Variants in ERV3-1 observed in about 807,000 individuals in gnomAD.
ERV3-1 encodes the protein endogenous retrovirus group 3 member 1, envelope.
A neutral mutation model predicts 24.6 loss-of-function variants in ERV3-1; 36 were observed. The ratio of observed to expected loss-of-function variants is 1.47; its 90% CI spans 1.12 to 1.94. The LOEUF (loss-of-function observed/expected upper bound fraction) is 1.94, where lower values mean the gene tolerates loss of function less well. Among genes scored for constraint, ERV3-1 ranks in the 30% most tolerant of loss-of-function variants. The pLI is 0.00. For missense variants in ERV3-1, 578 were observed against 330.9 expected (o/e 1.75, Z -5.79); for synonymous variants, 211 against 122.6 (o/e 1.72, Z -4.76).
At chr7:64,998,868 C>T (rs973780117) in intron 1 of ERV3-1, among the ~76,000 whole-genome samples, 2 of 152,190 alleles carry the variant, frequency 1.3e-5, no homozygotes, top group African/African-American at 2.4e-5. Context: ...GCTCCACACA[C>T]GTCACTCAGC....
At chr7:65,005,751 G>T (rs966844546) in intron 1 of ERV3-1, among the ~76,000 whole-genome samples, 5 of 152,186 alleles carry the variant, frequency 3.3e-5, no homozygotes, top group East Asian at 3.9e-4. Flanking sequence ...GTGCCCTGTG[G>T]AGTGTGAAAA....
chr7:64,998,393 G>C (rs939684319), intron 1 of ERV3-1, among the ~76,000 whole-genome samples: 95 of 152,240 alleles, frequency 6.2e-4, no homozygotes, highest in African/African-American at 2.1e-3. Flanking sequence ...TCCGACCCCA[G>C]TCACCACCTT....
chr7:64,998,705 G>T (rs985778683), intron 1 of ERV3-1, among the ~76,000 whole-genome samples: 1 of 151,994 alleles, frequency 6.6e-6, no homozygotes, highest in Non-Finnish European at 1.5e-5. Context: ...TTAATGGAGG[G>T]TTCATATGAG....
intron 1 of ERV3-1, among the ~76,000 whole-genome samples, chr7:64,999,473 C>T (rs1049065503): frequency 6.6e-6 from 1 of 152,234 alleles, no homozygotes; most frequent in African/African-American, 2.4e-5. Context: ...GACTTTTATA[C>T]ATGCAACCAA....
chr7:64,994,766 G>C (rs1473300539), intron 1 of ERV3-1, among the ~76,000 whole-genome samples: 1 of 152,206 alleles, frequency 6.6e-6, no homozygotes, highest in Admixed American at 6.5e-5. Flanking sequence ...TGTAAACACT[G>C]ATCTTTTTGT....
chr7:65,003,044 T>C (rs1302655831), intron 1 of ERV3-1, among the ~76,000 whole-genome samples: 1 of 152,194 alleles, frequency 6.6e-6, no homozygotes, highest in East Asian at 1.9e-4. Flanking sequence ...TCCCATTCCA[T>C]CTTAATGTTA....
In ERV3-1 at chr7:64,991,566, T is replaced by A; in HGVS notation, c.1461A>T (p.Arg487Ser). The change falls in exon 2 of 2, where the codon AGA becomes AGT. Residue 487 changes from arginine (R) to serine (S), a missense_variant. Coordinates refer to ENST00000394323, the MANE Select transcript of ERV3-1 (RefSeq NM_001007253.4). ...TGGCTGGGCCATAATATTGAATTATTCTTTCAGGAGGCCATTCATTGTCCT... is the reference window on the plus strand; with the variant it reads ...TGGCTGGGCCATAATATTGAATTATACTTTCAGGAGGCCATTCATTGTCCT... ...DWKDNEWPPE[R>S]IIQYYGPATW... 1.4e-6 allele frequency: 1 copy of A among 704,132 alleles called. No homozygotes were observed. The highest frequency in any genetic ancestry group is 1.5e-5 in the South Asian group (1 of 67,600). The allele number at this position is 704,132 out of a possible 1,614,324, so 43.6% of individuals were successfully genotyped here. A position where few individuals can be genotyped will look rare whatever the true frequency, so the allele number is the denominator to read the frequency against.
At chr7:64,994,171 A>G (rs1786350142) in intron 1 of ERV3-1, among the ~76,000 whole-genome samples, 1 of 152,130 alleles carries the variant, frequency 6.6e-6, no homozygotes, top group Non-Finnish European at 1.5e-5. Flanking sequence ...CTGGGGGCCG[A>G]GTGGGCCATT....
At chr7:65,002,941 A>AT (rs1324535270) in intron 1 of ERV3-1, among the ~76,000 whole-genome samples, 1 of 152,100 alleles carries the variant, frequency 6.6e-6, no homozygotes, top group East Asian at 1.9e-4. Context: ...TTAGAATTCA[A>AT]TTTTTTTACA....
Position 64,991,041 on chromosome 7 carries a change from G to T in ERV3-1, c.*171C>A, listed in dbSNP as rs1260911254. On this transcript the variant is annotated 3_prime_UTR_variant, in exon 2 of 2. Transcript: ENST00000394323. The stretch of plus-strand genomic sequence containing the variant: ...ACTTAGTTAGGGCCATTAGTCGTGT[G>T]GTAGTCCGTCTGTCCACAAGAGCCT... 7 of 537,370 alleles carry T rather than the reference G, an allele frequency of 1.3e-5. No individual in the cohort carries two copies. The highest frequency in any genetic ancestry group is 1.1e-4 in the African/African-American group (6 of 52,936). The allele number at this position is 537,370 out of a possible 1,614,324, so 33.3% of individuals were successfully genotyped here. A position where few individuals can be genotyped will look rare whatever the true frequency, so the allele number is the denominator to read the frequency against.
At chr7:64,999,137 G>A (rs988706451) in intron 1 of ERV3-1, among the ~76,000 whole-genome samples, 2 of 152,156 alleles carry the variant, frequency 1.3e-5, no homozygotes, top group Admixed American at 1.3e-4. Context: ...CCTGTAGCGT[G>A]AAGTCCTGGA....
At chr7:65,000,221 TTTC>T in intron 1 of ERV3-1, among the ~76,000 whole-genome samples, 1 of 151,928 alleles carries the variant, frequency 6.6e-6, no homozygotes, top group African/African-American at 2.4e-5. Flanking sequence ...ATCAAAGCAC[TTTC>T]TTTTTTGTTT....
chr7:64,997,463 T>C (rs1370800406), intron 1 of ERV3-1, among the ~76,000 whole-genome samples: 1 of 152,188 alleles, frequency 6.6e-6, no homozygotes, highest in East Asian at 1.9e-4. Context: ...TGACCAGGAC[T>C]TTAATTAGTC....
rs558649813 is a variant in ERV3-1 at position 64,991,055 on chromosome 7, C to T, written c.*157G>A. 1.1e-5 allele frequency: 6 copies of T among 568,824 alleles called. No homozygotes were observed. The East Asian group carries it at 1.1e-4, about 11-fold the overall frequency. The allele number at this position is 568,824 out of a possible 1,614,324, so 35.2% of individuals were successfully genotyped here. ...ATTAGTCGTGTGGTAGTCCGTCTGT[C>T]CACAAGAGCCTCTATGGCTGTTTGG... On this transcript the variant is annotated 3_prime_UTR_variant, in exon 2 of 2. Coordinates refer to ENST00000394323, the MANE Select transcript of ERV3-1 (RefSeq NM_001007253.4).
In ERV3-1 at chr7:64,991,048, C is replaced by T. The variant is rs3088174; in HGVS notation, c.*164G>A. 287,553 of 536,454 alleles carry T rather than the reference C, an allele frequency of 0.54. 79,828 individuals are homozygous for T. Among genetic ancestry groups the T allele is most frequent in the Admixed American group, 0.64 (19,086 of 29,812 alleles). The allele number at this position is 536,454 out of a possible 1,614,324, so 33.2% of individuals were successfully genotyped here. A position where few individuals can be genotyped will look rare whatever the true frequency, so the allele number is the denominator to read the frequency against. On this transcript the variant is annotated 3_prime_UTR_variant, in exon 2 of 2. Coordinates refer to ENST00000394323, the MANE Select transcript of ERV3-1 (RefSeq NM_001007253.4). ...TAGGGCCATTAGTCGTGTGGTAGTC[C>T]GTCTGTCCACAAGAGCCTCTATGGC...
Position 64,992,125 on chromosome 7 carries a change from C to G in ERV3-1, c.902G>C (p.Gly301Ala). Residue 301 changes from glycine to alanine, a missense_variant, in exon 2 of 2, where the codon GGA (glycine) becomes GCA (alanine). Coordinates refer to ENST00000394323, the MANE Select transcript of ERV3-1 (RefSeq NM_001007253.4). ...CCTTGCTTCCCATGGCCATTGGTCTCCCATGTTCATTCCCCCACAGACATA... is the reference window on the plus strand; with the variant it reads ...CCTTGCTTCCCATGGCCATTGGTCTGCCATGTTCATTCCCCCACAGACATA... ...SCYVCGGMNM[G>A]DQWPWEAREL... 1.3e-6 allele frequency: 1 copy of G among 766,364 alleles called. No individual in the cohort carries two copies. The highest frequency in any genetic ancestry group is 2.4e-6 in the Non-Finnish European group (1 of 417,906). The allele number at this position is 766,364 out of a possible 1,614,324, so 47.5% of individuals were successfully genotyped here.
chr7:64,995,007 G>A lies in ERV3-1; in HGVS notation c.-388-1593C>T, dbSNP rs1350170622. On this transcript the variant is annotated intron_variant, in intron 1 of 1. Transcript: ENST00000394323. ...TCGACTGGAGAATACCTCGTCCACT[G>A]TTGCCACAGTCACGGAAGGTGATTC... 2.0e-5 allele frequency among the ~76,000 whole-genome samples: 3 copies of A among 152,360 alleles called. No individual in the cohort carries two copies. In the East Asian group the frequency reaches 5.8e-4, roughly 29 times the overall value.
intron 1 of ERV3-1, among the ~76,000 whole-genome samples, chr7:64,998,003 G>A (rs572520454): frequency 2.0e-5 from 3 of 152,324 alleles, no homozygotes; most frequent in Admixed American, 6.5e-5. Context: ...AAGGCGGCCT[G>A]CTTGATCATC....
In ERV3-1 at chr7:64,991,972, G is replaced by C. The variant is rs369230376; in HGVS notation, c.1055C>G (p.Ala352Gly). The change falls in exon 2 of 2, where the codon GCC (alanine) becomes GGC (glycine). Residue 352 changes from alanine to glycine, a missense_variant. Ala to Gly is a moderately conservative substitution (Grantham distance 60). Coordinates refer to ENST00000394323, the MANE Select transcript of ERV3-1 (RefSeq NM_001007253.4). ...TAACTCTCCTACTGGGTCTGTAAAG[G>C]CCTTTCCCCAGCGAGCAATACAGAA... ...GKFCIARWGK[A>G]FTDPVGELTC... 1.0e-4 allele frequency: 80 copies of C among 766,252 alleles called. No homozygotes were observed. Among genetic ancestry groups the C allele is most frequent in the Non-Finnish European group, 1.8e-4 (76 of 417,896 alleles). The allele number at this position is 766,252 out of a possible 1,614,324, so 47.5% of individuals were successfully genotyped here. A position where few individuals can be genotyped will look rare whatever the true frequency, so the allele number is the denominator to read the frequency against.
Sources: gnomAD v4.1 joint callset for allele counts (sites outside exome capture counted in the v4.1 genomes callset) on GRCh38, gnomAD v4.1.1 for gene constraint, MANE v1.5 for transcripts, NCBI Gene and HGNC (gene_info 2026-07-23, HGNC 2026-07-21) for gene names.